Variants in NKAIN2 observed in about 807,000 individuals in gnomAD.
NKAIN2 encodes sodium/potassium transporting ATPase interacting 2.
NKAIN2 carries 14 observed loss-of-function variants against 32.6 expected under a neutral mutation model. The ratio of observed to expected loss-of-function variants is 0.43; its 90% CI spans 0.28 to 0.67. The LOEUF (loss-of-function observed/expected upper bound fraction) is 0.67. NKAIN2 is among the 30% of genes least tolerant of loss of function. The probability of loss-of-function intolerance (pLI) is 0.17; values close to 1 mark genes in which losing one functional copy is unlikely to be tolerated. For synonymous variants in NKAIN2, 80 were observed against 87.2 expected (o/e 0.92, Z 0.46); for missense variants, 198 against 258.3 (o/e 0.77, Z 1.60).
At chr6:124,077,517 T>A (rs1783748070) in intron 1 of NKAIN2, among the ~76,000 whole-genome samples, 1 of 152,174 alleles carries the variant, frequency 6.6e-6, no homozygotes, top group Non-Finnish European at 1.5e-5. Context: ...CTTTTAAAAT[T>A]ACTGATCCCT....
intron 3 of NKAIN2, among the ~76,000 whole-genome samples, chr6:124,473,354 C>A (rs1777053845): frequency 6.6e-6 from 1 of 152,274 alleles, no homozygotes; most frequent in African/African-American, 2.4e-5. Flanking sequence ...AAAGTTCTTA[C>A]AAAGACTGAA....
intron 3 of NKAIN2, among the ~76,000 whole-genome samples, chr6:124,648,739 A>G (rs1784264908): frequency 6.6e-6 from 1 of 152,250 alleles, no homozygotes; most frequent in African/African-American, 2.4e-5. Context: ...GAGTCCTTAC[A>G]GTTCTATTGG....
intron 5 of NKAIN2, chr6:124,794,886 G>C: frequency 1.0e-6 from 1 of 952,690 alleles, no homozygotes; most frequent in Non-Finnish European, 1.2e-6. Flanking sequence ...GAGTAAAAAA[G>C]GTTTGACATT....
chr6:124,760,169 A>G (rs1433806849), intron 4 of NKAIN2, among the ~76,000 whole-genome samples: 3 of 152,080 alleles, frequency 2.0e-5, no homozygotes, highest in Admixed American at 2.0e-4. Flanking sequence ...CAAACACCGC[A>G]TGTTCTCACT....
intron 3 of NKAIN2, among the ~76,000 whole-genome samples, chr6:124,626,890 T>G (rs1255830920): frequency 1.3e-5 from 2 of 152,166 alleles, no homozygotes; most frequent in Non-Finnish European, 2.9e-5. Context: ...AAGCCCCTTT[T>G]TTGCCGTGTT....
At chr6:123,850,784 T>C (rs992671959) in intron 1 of NKAIN2, among the ~76,000 whole-genome samples, 2 of 152,198 alleles carry the variant, frequency 1.3e-5, no homozygotes, top group Admixed American at 6.5e-5. Flanking sequence ...ATACAGATTG[T>C]TATTAACTGT....
intron 1 of NKAIN2, among the ~76,000 whole-genome samples, chr6:124,006,933 G>A (rs1442357750): frequency 2.0e-5 from 3 of 152,136 alleles, no homozygotes; most frequent in Non-Finnish European, 4.4e-5. Flanking sequence ...ACTGACCTAA[G>A]GAAATTTAGC....
At chr6:124,263,615 T>C (rs1378705100) in intron 1 of NKAIN2, among the ~76,000 whole-genome samples, 2 of 152,238 alleles carry the variant, frequency 1.3e-5, no homozygotes, top group Non-Finnish European at 2.9e-5. Flanking sequence ...ACATAGTTAA[T>C]TCCTAGTCTT....
chr6:124,579,219 T>C (rs890410638), intron 3 of NKAIN2, among the ~76,000 whole-genome samples: 1 of 152,154 alleles, frequency 6.6e-6, no homozygotes, highest in African/African-American at 2.4e-5. Context: ...ACAAGCATCA[T>C]GACCATCGAG....
chr6:124,257,041 T>A (rs1793980472), intron 1 of NKAIN2, among the ~76,000 whole-genome samples: 4 of 152,050 alleles, frequency 2.6e-5, no homozygotes, highest in Admixed American at 2.6e-4. Flanking sequence ...TGTCACTGAC[T>A]GGGTTTTGTT....
chr6:124,641,708 T>C (rs957777238), intron 3 of NKAIN2, among the ~76,000 whole-genome samples: 14 of 151,750 alleles, frequency 9.2e-5, no homozygotes, highest in African/African-American at 3.1e-4. Flanking sequence ...TGCACCACCA[T>C]GCCAGCCTTA....
At chr6:124,471,697 T>C (rs892730671) in intron 3 of NKAIN2, among the ~76,000 whole-genome samples, 6 of 152,154 alleles carry the variant, frequency 3.9e-5, no homozygotes, top group Non-Finnish European at 5.9e-5. Flanking sequence ...CAACATAATC[T>C]AATAGTCTGT....
intron 1 of NKAIN2, among the ~76,000 whole-genome samples, chr6:124,148,757 C>T (rs1787555965): frequency 6.6e-6 from 1 of 152,114 alleles, no homozygotes; most frequent in African/African-American, 2.4e-5. Flanking sequence ...TTTTGGCCAT[C>T]ATGAATAATT....
intron 1 of NKAIN2, among the ~76,000 whole-genome samples, chr6:123,848,457 G>C (rs12196524): frequency 0.3 from 46,051 of 152,020 alleles, 7,693 homozygotes; most frequent in Admixed American, 0.42. Context: ...TCTCATAATA[G>C]TCAGTGAGTT....
At chr6:124,146,491 T>C (rs1787408781) in intron 1 of NKAIN2, among the ~76,000 whole-genome samples, 2 of 152,224 alleles carry the variant, frequency 1.3e-5, no homozygotes, top group South Asian at 2.1e-4. Flanking sequence ...TAGAAAACAA[T>C]TTGGTGCCTA....
intron 2 of NKAIN2, among the ~76,000 whole-genome samples, chr6:124,351,620 T>C (rs1364131887): frequency 1.3e-5 from 2 of 152,104 alleles, no homozygotes; most frequent in African/African-American, 4.8e-5. Context: ...TATTTATCTA[T>C]TTATTCATTC....
intron 5 of NKAIN2, among the ~76,000 whole-genome samples, chr6:124,796,647 C>T (rs552523512): frequency 8.6e-4 from 131 of 152,306 alleles, no homozygotes; most frequent in African/African-American, 3.0e-3. Context: ...GTGGTGTGAT[C>T]TGCCTCTAGA....
At chr6:123,994,042 T>C (rs1299589694) in intron 1 of NKAIN2, among the ~76,000 whole-genome samples, 3 of 152,126 alleles carry the variant, frequency 2.0e-5, no homozygotes, top group African/African-American at 7.2e-5. Flanking sequence ...CATCACTGCT[T>C]CTTCCCCAGA....
chr6:124,231,149 T>A (rs1053630073), intron 1 of NKAIN2, among the ~76,000 whole-genome samples: 5 of 152,210 alleles, frequency 3.3e-5, no homozygotes, highest in African/African-American at 1.2e-4. Flanking sequence ...TTTTGGAGCT[T>A]TAAGATTTAA....
Sources: gnomAD v4.1 joint callset for allele counts (sites outside exome capture counted in the v4.1 genomes callset) on GRCh38, gnomAD v4.1.1 for gene constraint, MANE v1.5 for transcripts, NCBI Gene and HGNC (gene_info 2026-07-23, HGNC 2026-07-21) for gene names.